MAGI3: variants seen among roughly 807,000 people sequenced by gnomAD.
MAGI3 encodes membrane-associated guanylate kinase, WW and PDZ domain-containing protein 3.
A neutral mutation model predicts 121.8 loss-of-function variants in MAGI3; 43 were observed. The observed-to-expected ratio is 0.35, with a 90% CI of 0.28 to 0.46. The LOEUF is 0.46. Among genes scored for constraint, MAGI3 ranks in the 20% least tolerant of loss-of-function variants. The pLI is 1.00. For synonymous variants in MAGI3, 553 were observed against 639.3 expected, an observed-to-expected ratio of 0.86 and a Z score of 2.04; for missense variants, 1,547 against 1,797.3, an observed-to-expected ratio of 0.86 and a Z score of 2.52.
chr1:113,590,922 T>C (rs1315429017), intron 5 of MAGI3, among the ~76,000 whole-genome samples: 1 of 152,114 alleles, frequency 6.6e-6, no homozygotes, highest in Non-Finnish European at 1.5e-5. Context: ...TCACGAATGG[T>C]GAAAAATGTA....
chr1:113,549,578 A>G lies in MAGI3; in HGVS notation c.380A>G (p.Asp127Gly). The G allele has an allele frequency of 6.2e-7, 1 of 1,610,812 alleles. No individual in the cohort carries two copies. Among genetic ancestry groups the G allele is most frequent in the Non-Finnish European group, 8.5e-7 (1 of 1,178,364 alleles). Residue 127 changes from aspartate (D) to glycine (G), a missense_variant, in exon 2 of 21, where the codon GAC (aspartate) becomes GGC (glycine). Asp to Gly is a moderately conservative substitution (Grantham distance 94, BLOSUM62 -1). Coordinates refer to ENST00000307546, the MANE Select transcript of MAGI3 (RefSeq NM_001142782.2). ...CTTCAGTTTCAAAAAGGATCAATTG[A>G]CCACAAACTGCAGCAAGTGATCAGA... ...LSLQFQKGSIDHKLQQVIRDN... is the reference protein window; with the variant it reads ...LSLQFQKGSIGHKLQQVIRDN...
intron 7 of MAGI3, among the ~76,000 whole-genome samples, chr1:113,619,161 T>C (rs1008633234): frequency 1.3e-5 from 2 of 152,158 alleles, no homozygotes; most frequent in South Asian, 4.1e-4. Context: ...TTATAATTAT[T>C]CATTTAATTA....
chr1:113,457,230 A>G (rs1355553654), intron 1 of MAGI3, among the ~76,000 whole-genome samples: 1 of 152,176 alleles, frequency 6.6e-6, no homozygotes, highest in African/African-American at 2.4e-5. Context: ...TTAAACCAAC[A>G]TGATTGTTGA....
chr1:113,595,030 GC>G (rs1204388054), intron 6 of MAGI3, among the ~76,000 whole-genome samples: 1 of 151,932 alleles, frequency 6.6e-6, no homozygotes, highest in African/African-American at 2.4e-5. Context: ...TTTAATATAG[GC>G]CCCCACACAT....
At chr1:113,506,656 C>T (rs1357599404) in intron 1 of MAGI3, among the ~76,000 whole-genome samples, 2 of 152,174 alleles carry the variant, frequency 1.3e-5, no homozygotes, top group Non-Finnish European at 2.9e-5. Flanking sequence ...TTGCCACTCA[C>T]AGAGTCCAAT....
intron 6 of MAGI3, among the ~76,000 whole-genome samples, chr1:113,598,726 T>C (rs996563060): frequency 6.6e-6 from 1 of 152,066 alleles, no homozygotes; most frequent in African/African-American, 2.4e-5. Context: ...ACAATAATAG[T>C]AGGGGACTTC....
At chr1:113,675,021 A>C (rs2101027166) in intron 19 of MAGI3, among the ~76,000 whole-genome samples, 1 of 152,378 alleles carries the variant, frequency 6.6e-6, no homozygotes, top group South Asian at 2.1e-4. Flanking sequence ...GAGTTTACTT[A>C]GATTTTATTT....
chr1:113,540,825 A>G (rs1203494032), intron 1 of MAGI3, among the ~76,000 whole-genome samples: 2 of 152,222 alleles, frequency 1.3e-5, no homozygotes, highest in Admixed American at 1.3e-4. Flanking sequence ...AATAAAAATC[A>G]TAAAAACAAA....
chr1:113,550,532 G>A (rs971043966), intron 2 of MAGI3, among the ~76,000 whole-genome samples: 1 of 151,944 alleles, frequency 6.6e-6, no homozygotes, highest in Non-Finnish European at 1.5e-5. Context: ...GAGGTGGGCA[G>A]ATCACCTGAG....
rs1257347447 is a variant in MAGI3, at chr1:113,526,273, TAC to T, written c.317-23240_317-23239del. On this transcript the variant is annotated intron_variant, in intron 1 of 20. Coordinates refer to ENST00000307546, the MANE Select transcript of MAGI3 (RefSeq NM_001142782.2). Reference sequence around the variant, plus strand: ...ATGTGGGTATATGTGATGAGGAGCTTACAGAGTCCTAGGGGAGCAAATAAGAA... The same window carrying T: ...ATGTGGGTATATGTGATGAGGAGCTTAGAGTCCTAGGGGAGCAAATAAGAA... 2.0e-5 allele frequency among the ~76,000 whole-genome samples: 3 copies of T among 152,242 alleles called. No individual in the cohort carries two copies. The East Asian group carries it at 5.8e-4, about 29-fold the overall frequency.
intron 1 of MAGI3, among the ~76,000 whole-genome samples, chr1:113,532,005 A>G (rs1658751914): frequency 2.0e-5 from 3 of 152,212 alleles, no homozygotes; most frequent in Non-Finnish European, 4.4e-5. Context: ...ACTGCTATAA[A>G]GTGAGAACAA....
chr1:113,671,959 G>T, intron 17 of MAGI3, 123 bp downstream of exon 17: 1 of 862,622 alleles, frequency 1.2e-6, no homozygotes, highest in Non-Finnish European at 1.8e-6. Context: ...AGCTGTTGAG[G>T]TCAAAATGAC....
chr1:113,424,219 G>A (rs71662828), intron 1 of MAGI3, among the ~76,000 whole-genome samples: 4,657 of 17,376 alleles, frequency 0.27, 95 homozygotes, highest in East Asian at 0.36. Flanking sequence ...CCCGCCCCCC[G>A]CTGCAGCTGG....
At chr1:113,653,720 TTA>T (rs2100987640) in intron 14 of MAGI3, 108 bp from the exon 15 acceptor site, 1 of 949,948 alleles carries the variant, frequency 1.1e-6, no homozygotes, top group Non-Finnish European at 1.5e-6. Context: ...TTTCTATTCT[TTA>T]TGTTATTAGA....
intron 9 of MAGI3, among the ~76,000 whole-genome samples, chr1:113,628,598 G>A (rs1241659487): frequency 1.3e-5 from 2 of 152,168 alleles, no homozygotes; most frequent in Non-Finnish European, 2.9e-5. Flanking sequence ...TTGTAGGAGA[G>A]ATCTAGTGTT....
intron 1 of MAGI3, among the ~76,000 whole-genome samples, chr1:113,546,082 T>G (rs1659521962): frequency 6.6e-6 from 1 of 152,162 alleles, no homozygotes; most frequent in Admixed American, 6.5e-5. Context: ...AAAATACAAA[T>G]TCCCTGGAAT....
intron 2 of MAGI3, among the ~76,000 whole-genome samples, chr1:113,569,635 T>C (rs2101701036): frequency 6.6e-6 from 1 of 152,252 alleles, no homozygotes; most frequent in East Asian, 1.9e-4. Context: ...AATCCCCCAT[T>C]TGCAATACAT....
intron 2 of MAGI3, among the ~76,000 whole-genome samples, chr1:113,556,972 A>G (rs1015791053): frequency 3.3e-5 from 5 of 152,224 alleles, no homozygotes; most frequent in African/African-American, 1.2e-4. Flanking sequence ...TCATGAAGAA[A>G]TAGGTGAGCT....
intron 6 of MAGI3, among the ~76,000 whole-genome samples, chr1:113,596,781 C>T (rs992465393): frequency 1.4e-5 from 2 of 144,704 alleles, no homozygotes; most frequent in African/African-American, 5.4e-5. Context: ...CTACTTTACA[C>T]CCACTAGAAT....
Sources: allele counts gnomAD v4.1 joint callset (sites outside exome capture counted in the v4.1 genomes callset), GRCh38; gene constraint gnomAD v4.1.1; transcripts MANE v1.5; gene names NCBI Gene and HGNC (gene_info 2026-07-23, HGNC 2026-07-21).